CMTM1: variants seen among roughly 807,000 people sequenced by gnomAD.
CMTM1 encodes CKLF like MARVEL transmembrane domain containing 1.
Under a neutral mutation model 17.8 loss-of-function variants are expected in CMTM1, and 16 were observed. The ratio of observed to expected loss-of-function variants is 0.90; its 90% CI spans 0.61 to 1.37. The LOEUF is 1.37. Ranked by LOEUF, CMTM1 falls within the 40% of genes most tolerant of loss-of-function variation. The pLI, the probability that CMTM1 is intolerant of heterozygous loss-of-function variation, is 0.00. For missense variants in CMTM1, 354 were observed against 375.6 expected (o/e 0.94, Z 0.47); for synonymous variants, 169 against 154.6 (o/e 1.09, Z -0.69).
chr16:66,567,329 C>G (rs1287657635), intron 1 of CMTM1: 1 of 329,590 alleles, frequency 3.0e-6, no homozygotes, highest in African/African-American at 2.2e-5. Context: ...CCTACAGGCC[C>G]CAGTGTGTGA....
At chr16:66,571,881 A>G (rs993913770) in intron 2 of CMTM1, among the ~76,000 whole-genome samples, 3 of 152,192 alleles carry the variant, frequency 2.0e-5, no homozygotes, top group Non-Finnish European at 2.9e-5. Flanking sequence ...AGACAAAGGT[A>G]AGAACTAGGA....
chr16:66,578,962 C>A lies in CMTM1; in HGVS notation c.822C>A (p.Tyr274Ter), dbSNP rs1303617129. 31 of 1,614,092 alleles carry A rather than the reference C, an allele frequency of 1.9e-5. No homozygotes were observed. The highest frequency in any genetic ancestry group is 2.5e-5 in the Non-Finnish European group (29 of 1,180,026). Residue 274 changes from tyrosine (Y) to a stop codon, truncating the protein, a stop_gained, in exon 4 of 4, where the codon TAC becomes TAA. Transcript: ENST00000379500. LOFTEE classifies it low-confidence loss of function (END_TRUNC). ...AGCTTTCCCCCGCCAAGGACGCCTA[C>A]CCCGAAACCGGCCCCGACGCCCCGC... ...ERKLSPAKDA[Y>*]PETGPDAPQR...
chr16:66,571,145 G>A (rs2013464332), intron 2 of CMTM1: 1 of 457,372 alleles, frequency 2.2e-6, no homozygotes, highest in Non-Finnish European at 4.4e-6. Flanking sequence ...AGAATGCCGA[G>A]TACAGGAAGC....
intron 3 of CMTM1, 89 bp from the exon 4 acceptor site, chr16:66,578,742 A>C: frequency 6.5e-7 from 1 of 1,539,412 alleles, no homozygotes; most frequent in Non-Finnish European, 8.8e-7. Context: ...CGCAGCGCCC[A>C]CCCTGGATAG....
intron 1 of CMTM1, among the ~76,000 whole-genome samples, chr16:66,569,523 ACT>A (rs1325185204): frequency 6.6e-6 from 1 of 152,252 alleles, no homozygotes; most frequent in Non-Finnish European, 1.5e-5. Context: ...TAGGGATAAT[ACT>A]GGCATTTCCC....
Position 66,566,692 on chromosome 16 carries a change from G to A in CMTM1, c.179G>A (p.Ser60Asn), listed in dbSNP as rs201161463. 4 of 1,613,798 alleles carry A rather than the reference G, an allele frequency of 2.5e-6. No homozygotes were observed. The highest frequency in any genetic ancestry group is 3.4e-6 in the Non-Finnish European group (4 of 1,179,894). Reference sequence around the variant, plus strand: ...AAGCACCCCGCAGTCTCAATTCGCAGTGCGCAGTCCGCAGCCGCCGCACGT... The same window carrying A: ...AAGCACCCCGCAGTCTCAATTCGCAATGCGCAGTCCGCAGCCGCCGCACGT... Reference protein sequence around the residue: ...PRKHPAVSIRSAQSAAAARPQ... With the variant: ...PRKHPAVSIRNAQSAAAARPQ... The change falls in exon 1 of 4, where the codon AGT becomes AAT. Residue 60 changes from serine to asparagine, a missense_variant. Ser to Asn is a conservative substitution (Grantham distance 46, BLOSUM62 1). Coordinates refer to ENST00000379500, the MANE Select transcript of CMTM1 (RefSeq NM_052999.4). This position sits in a 1 kb window ranked among gnomAD's most constrained non-coding sequence, Gnocchi z 4.9.
intron 3 of CMTM1, among the ~76,000 whole-genome samples, chr16:66,578,378 C>G (rs978136805): frequency 2.6e-5 from 4 of 152,194 alleles, no homozygotes; most frequent in Non-Finnish European, 5.9e-5. Flanking sequence ...AACTCTGCCC[C>G]CTTCTCAGCG....
At chr16:66,575,876 A>G (rs1048804088) in intron 2 of CMTM1, among the ~76,000 whole-genome samples, 1 of 152,232 alleles carries the variant, frequency 6.6e-6, no homozygotes, top group African/African-American at 2.4e-5. Context: ...ATCAACACTC[A>G]AAGACTTGAG....
At position 66,566,676 on chromosome 16, in the gene CMTM1, G is replaced by A. The variant is rs376463543; in HGVS notation, c.163G>A (p.Ala55Thr). The stretch of plus-strand genomic sequence containing the variant: ...GAAGACCGCACCCCGGAAGCACCCC[G>A]CAGTCTCAATTCGCAGTGCGCAGTC... ...SAKTAPRKHP[A>T]VSIRSAQSAA... is the part of the protein sequence containing the mutation. Residue 55 changes from alanine to threonine, a missense_variant, in exon 1 of 4, where the codon GCA (alanine) becomes ACA (threonine). Coordinates refer to ENST00000379500, the MANE Select transcript of CMTM1 (RefSeq NM_052999.4). This position sits in a 1 kb window ranked among gnomAD's most constrained non-coding sequence, Gnocchi z 4.9. The A allele has an allele frequency of 8.7e-6, 14 of 1,613,850 alleles. No homozygotes were observed. Among genetic ancestry groups the A allele is most frequent in the Non-Finnish European group, 1.1e-5 (13 of 1,179,872 alleles).
At chr16:66,568,075 T>C (rs887654206) in intron 1 of CMTM1, among the ~76,000 whole-genome samples, 1 of 152,200 alleles carries the variant, frequency 6.6e-6, no homozygotes, top group Non-Finnish European at 1.5e-5. Flanking sequence ...AAAGAAGAAA[T>C]AACTTCTGAA....
At chr16:66,571,291 CAT>C in intron 2 of CMTM1, 1 of 424,626 alleles carries the variant, frequency 2.4e-6, no homozygotes, top group South Asian at 1.7e-5. Flanking sequence ...CATTTTTGAG[CAT>C]ATACCATGTG....
chr16:66,578,743 C>T (rs1490753829), intron 3 of CMTM1, 88 bp from the exon 4 acceptor site: 3 of 1,544,376 alleles, frequency 1.9e-6, no homozygotes, highest in African/African-American at 1.4e-5. Flanking sequence ...GCAGCGCCCA[C>T]CCTGGATAGG....
rs916242096 is a variant in CMTM1, at chr16:66,566,601, A to G, written c.88A>G (p.Ser30Gly). ...GGAGACTGCCGCAGCCCTGGCAAGTAGCGGCAGCGTAGTGAGTTCTGTACC... is the reference window on the plus strand; with the variant it reads ...GGAGACTGCCGCAGCCCTGGCAAGTGGCGGCAGCGTAGTGAGTTCTGTACC... The part of the protein sequence containing the change: ...QPETAAALAS[S>G]GSVVSSVPKA... Residue 30 changes from serine (S) to glycine (G), a missense_variant, in exon 1 of 4, where the codon AGC (serine) becomes GGC (glycine). Transcript: ENST00000379500. The surrounding 1 kb of genome is among the most constrained non-coding windows in gnomAD (Gnocchi z 4.9). The G allele has an allele frequency of 6.8e-6, 11 of 1,613,920 alleles. No homozygotes were observed. The highest frequency in any genetic ancestry group is 1.3e-5 in the African/African-American group (1 of 74,894).
At chr16:66,578,809 C>T in intron 3 of CMTM1, 22 bp from the exon 4 acceptor site, 1 of 1,609,750 alleles carries the variant, frequency 6.2e-7, no homozygotes, top group Non-Finnish European at 8.5e-7. Context: ...TTCCTTCCCG[C>T]ATATGGTCTT....
intron 2 of CMTM1, 139 bp downstream of exon 2, chr16:66,570,233 T>C: frequency 1.5e-6 from 1 of 679,104 alleles, no homozygotes; most frequent in East Asian, 2.7e-5. Context: ...GGTGTTGCCC[T>C]GGTCCAGAAG....
intron 2 of CMTM1, chr16:66,575,073 C>T (rs1328767072): frequency 2.0e-6 from 2 of 985,504 alleles, no homozygotes; most frequent in Non-Finnish European, 2.4e-6. Context: ...CTGCTACATA[C>T]CCCTGTTCCA....
At position 66,566,485 on chromosome 16, in the gene CMTM1, T is replaced by C. The variant is rs1447818777; in HGVS notation, c.-29T>C. ...GAGCCAGCCGCTGCCGCGGCACTGG[T>C]TCAGACGGCCAGGCCCTAGGGACCC... On this transcript the variant is annotated 5_prime_UTR_variant, in exon 1 of 4. Coordinates refer to ENST00000379500, the MANE Select transcript of CMTM1 (RefSeq NM_052999.4). This position sits in a 1 kb window ranked among gnomAD's most constrained non-coding sequence, Gnocchi z 4.9. 6.4e-7 allele frequency: 1 copy of C among 1,557,980 alleles called. No homozygotes were observed. The highest frequency in any genetic ancestry group is 8.7e-7 in the Non-Finnish European group (1 of 1,155,118).
chr16:66,572,616 A>T (rs1413489159), intron 2 of CMTM1, among the ~76,000 whole-genome samples: 1 of 152,122 alleles, frequency 6.6e-6, no homozygotes, highest in African/African-American at 2.4e-5. Context: ...GGTCAATTTC[A>T]TACTAGAACT....
intron 2 of CMTM1, among the ~76,000 whole-genome samples, chr16:66,572,444 C>G (rs2013684089): frequency 6.6e-6 from 1 of 152,188 alleles, no homozygotes; most frequent in Admixed American, 6.5e-5. Flanking sequence ...AGTAGCTACA[C>G]TGGGAGGCCT....
Sources: allele counts gnomAD v4.1 joint callset (sites outside exome capture counted in the v4.1 genomes callset), GRCh38; gene constraint gnomAD v4.1.1; non-coding constraint Gnocchi (gnomAD v3.1); transcripts MANE v1.5; gene names NCBI Gene and HGNC (gene_info 2026-07-23, HGNC 2026-07-21).